The following LRFN2 variants were observed in gnomAD, a reference collection of about 807,000 sequenced individuals.
LRFN2 encodes the protein leucine rich repeat and fibronectin type III domain containing 2.
LRFN2 carries 18 observed loss-of-function variants against 37.3 expected under a neutral mutation model. The observed-to-expected ratio is 0.48, with a 90% CI of 0.33 to 0.72. The LOEUF (loss-of-function observed/expected upper bound fraction) is 0.72, where lower values mean the gene tolerates loss of function less well. Among genes scored for constraint, LRFN2 ranks in the 30% least tolerant of loss-of-function variants. LRFN2 has a pLI of 0.02. For missense variants in LRFN2, 1,006 were observed against 1,060.7 expected (o/e 0.95, Z 0.72); for synonymous variants, 556 against 466.6 (o/e 1.19, Z -2.47).
At chr6:40,461,126 G>A (rs1170975515) in intron 1 of LRFN2, among the ~76,000 whole-genome samples, 2 of 152,208 alleles carry the variant, frequency 1.3e-5, no homozygotes, top group Non-Finnish European at 2.9e-5. Context: ...TACACACTGG[G>A]CTGGGCGCAG....
At chr6:40,523,608 A>T (rs1169479507) in intron 1 of LRFN2, among the ~76,000 whole-genome samples, 2 of 150,186 alleles carry the variant, frequency 1.3e-5, no homozygotes, top group African/African-American at 4.9e-5. Flanking sequence ...TGATCCACTG[A>T]GCACCTACTC....
chr6:40,418,047 C>T (rs1023924779), intron 2 of LRFN2, among the ~76,000 whole-genome samples: 6 of 152,266 alleles, frequency 3.9e-5, no homozygotes, highest in East Asian at 3.9e-4. Flanking sequence ...CAGAGGTTTC[C>T]GTCTCATTCA....
At chr6:40,477,314 C>T (rs954560043) in intron 1 of LRFN2, among the ~76,000 whole-genome samples, 16 of 152,126 alleles carry the variant, frequency 1.1e-4, no homozygotes, top group Admixed American at 8.5e-4. Flanking sequence ...AAGGGCTCTC[C>T]TCGAAGGCTG....
chr6:40,453,072 T>C (rs1438035096), intron 1 of LRFN2, among the ~76,000 whole-genome samples: 1 of 152,202 alleles, frequency 6.6e-6, no homozygotes, highest in East Asian at 1.9e-4. Context: ...GGGAATGTTC[T>C]ATGGCACCCT....
chr6:40,457,060 C>T (rs891055956), intron 1 of LRFN2, among the ~76,000 whole-genome samples: 11 of 152,066 alleles, frequency 7.2e-5, no homozygotes, highest in Admixed American at 3.9e-4. Context: ...CCCTCCCCAC[C>T]ACCCTTTCCT....
intron 1 of LRFN2, among the ~76,000 whole-genome samples, chr6:40,450,406 G>C (rs992895652): frequency 6.6e-6 from 1 of 152,172 alleles, no homozygotes; most frequent in African/African-American, 2.4e-5. Flanking sequence ...TTTCAACTCG[G>C]GTGAAAACAA....
chr6:40,503,786 C>G (rs982548971), intron 1 of LRFN2, among the ~76,000 whole-genome samples: 1 of 151,944 alleles, frequency 6.6e-6, no homozygotes, highest in South Asian at 2.1e-4. Flanking sequence ...CCTGGAAGGA[C>G]GAGGTTGGTG....
intron 2 of LRFN2, among the ~76,000 whole-genome samples, chr6:40,430,639 T>C (rs1053046203): frequency 6.6e-6 from 1 of 152,234 alleles, no homozygotes; most frequent in Admixed American, 6.5e-5. Flanking sequence ...ACTTATGTGA[T>C]TCTATTGCAG....
chr6:40,545,276 G>A lies in LRFN2; in HGVS notation c.-19+41665C>T, dbSNP rs948935820. Among the ~76,000 whole-genome samples, 5 of 152,278 alleles carry A rather than the reference G, an allele frequency of 3.3e-5. No homozygotes were observed. In the East Asian group the frequency reaches 7.7e-4, roughly 24 times the overall value. On this transcript the variant is annotated intron_variant, in intron 1 of 2. Coordinates refer to ENST00000338305, the MANE Select transcript of LRFN2 (RefSeq NM_020737.3). ...AGCAGTTATAAACTCTTTCTCTCAGGGTGTAAAGGGCAGAGCCTCCTGGGT... is the reference window on the plus strand; with the variant it reads ...AGCAGTTATAAACTCTTTCTCTCAGAGTGTAAAGGGCAGAGCCTCCTGGGT...
chr6:40,432,475 G>C lies in LRFN2; in HGVS notation c.639C>G (p.Pro213=). The part of the protein sequence containing the change: ...DLTSNRLQKL[P]PDPIFARSQA... ...GGGAGCGGGCAAAGATGGGATCAGG[G>C]GGCAGCTTCTGCAGCCGATTGGAGG... Residue 213 remains proline, a synonymous_variant, in exon 2 of 3, where the codon CCC becomes CCG. Transcript: ENST00000338305. The C allele has an allele frequency of 6.2e-7, 1 of 1,614,220 alleles. No homozygotes were observed. Among genetic ancestry groups the C allele is most frequent in the Non-Finnish European group, 8.5e-7 (1 of 1,180,042 alleles).
intron 1 of LRFN2, among the ~76,000 whole-genome samples, chr6:40,536,246 G>T (rs981860377): frequency 6.6e-6 from 1 of 151,770 alleles, no homozygotes; most frequent in East Asian, 1.9e-4. Flanking sequence ...CCCAGTCTGA[G>T]GGGAGACACA....
intron 1 of LRFN2, among the ~76,000 whole-genome samples, chr6:40,535,282 C>G (rs961059467): frequency 6.6e-6 from 1 of 152,188 alleles, no homozygotes; most frequent in African/African-American, 2.4e-5. Context: ...CATTTACAAC[C>G]AGGCTTCATG....
intron 1 of LRFN2, among the ~76,000 whole-genome samples, chr6:40,578,478 T>C (rs1321720376): frequency 6.6e-6 from 1 of 152,150 alleles, no homozygotes; most frequent in Non-Finnish European, 1.5e-5. Flanking sequence ...TGCAAAGTGG[T>C]TGTAATCATA....
chr6:40,392,782 C>T lies in LRFN2; in HGVS notation c.1531G>A (p.Ala511Thr), dbSNP rs529101187. Reference protein sequence around the residue: ...TLTATNIVGCAQFFTKADYPQ... With the variant: ...TLTATNIVGCTQFFTKADYPQ... ...TAGTCAGCCTTGGTGAAGAACTGGG[C>T]GCAGCCCACGATGTTGGTGGCCGTG... is the stretch of plus-strand genomic sequence containing the variant. The change falls in exon 3 of 3, where the codon GCC becomes ACC. Residue 511 changes from alanine to threonine, a missense_variant. Physicochemically the swap from Ala to Thr is moderately conservative, Grantham distance 58. Around this residue, in one of 4 missense-constraint regions of LRFN2, gnomAD observed 120 missense variants for 178.4 expected, o/e 0.67. Coordinates refer to ENST00000338305, the MANE Select transcript of LRFN2 (RefSeq NM_020737.3). The surrounding 1 kb of genome is among the most constrained non-coding windows in gnomAD (Gnocchi z 4.7). The T allele has an allele frequency of 8.3e-5, 134 of 1,614,082 alleles. No individual in the cohort carries two copies. The highest frequency in any genetic ancestry group is 4.8e-4 in the Admixed American group (29 of 60,018).
chr6:40,466,907 C>T (rs1375523580), intron 1 of LRFN2, among the ~76,000 whole-genome samples: 1 of 151,826 alleles, frequency 6.6e-6, no homozygotes, highest in South Asian at 2.1e-4. Context: ...ATCCCATGTG[C>T]CTGGTATTCT....
intron 1 of LRFN2, among the ~76,000 whole-genome samples, chr6:40,465,229 C>A (rs894828695): frequency 5.3e-5 from 8 of 152,118 alleles, no homozygotes; most frequent in Non-Finnish European, 8.8e-5. Context: ...CCCTAGAGCC[C>A]CCTGAAAGGA....
chr6:40,412,591 T>G (rs1201282479), intron 2 of LRFN2, among the ~76,000 whole-genome samples: 1 of 152,208 alleles, frequency 6.6e-6, no homozygotes, highest in Non-Finnish European at 1.5e-5. Context: ...ATCCCTTCTC[T>G]GGGTCTCCGC....
intron 1 of LRFN2, among the ~76,000 whole-genome samples, chr6:40,568,895 A>G (rs185522901): frequency 8.1e-4 from 123 of 152,110 alleles, no homozygotes; most frequent in Non-Finnish European, 1.5e-3. Flanking sequence ...CTAATTTTGT[A>G]TCTCCCCCAT....
At chr6:40,504,125 A>C (rs905561304) in intron 1 of LRFN2, among the ~76,000 whole-genome samples, 9 of 152,216 alleles carry the variant, frequency 5.9e-5, no homozygotes, top group African/African-American at 2.2e-4. Flanking sequence ...TGCAGACAGC[A>C]GAAGAGACCC....
Sources: allele counts gnomAD v4.1 joint callset (sites outside exome capture counted in the v4.1 genomes callset), GRCh38; gene constraint gnomAD v4.1.1; regional missense constraint gnomAD v4.1.1; non-coding constraint Gnocchi (gnomAD v3.1); transcripts MANE v1.5; gene names NCBI Gene and HGNC (gene_info 2026-07-23, HGNC 2026-07-21).